The following DAB1 variants were observed in gnomAD, a reference collection of about 807,000 sequenced individuals.
The protein encoded by DAB1 is DAB adaptor protein 1.
A neutral mutation model predicts 64.6 loss-of-function variants in DAB1; 15 were observed. The ratio of observed to expected loss-of-function variants is 0.23; its 90% confidence interval spans 0.16 to 0.36. DAB1 has a LOEUF of 0.36. Ranked by LOEUF, DAB1 falls within the 10% of genes least tolerant of loss-of-function variation. DAB1 has a pLI of 1.00. For missense variants in DAB1, 596 were observed against 706.7 expected, an observed-to-expected ratio of 0.84 and a Z score of 1.78; for synonymous variants, 235 against 251.9, an observed-to-expected ratio of 0.93 and a Z score of 0.64.
chr1:57,545,006 A>G (rs1033971245), intron 7 of DAB1, among the ~76,000 whole-genome samples: 1 of 152,018 alleles, frequency 6.6e-6, no homozygotes, highest in African/African-American at 2.4e-5. Flanking sequence ...CTCCCAAGGT[A>G]CTCTCTTAGA....
intron 2 of DAB1, among the ~76,000 whole-genome samples, chr1:57,281,585 C>T (rs1383395667): frequency 6.6e-6 from 1 of 152,104 alleles, no homozygotes; most frequent in African/African-American, 2.4e-5. Flanking sequence ...CTCTCTGATG[C>T]CATGATAAGC....
intron 6 of DAB1, among the ~76,000 whole-genome samples, chr1:57,794,959 A>C (rs539942288): frequency 6.6e-6 from 1 of 152,206 alleles, no homozygotes; most frequent in Non-Finnish European, 1.5e-5. Context: ...TCCTCATGGG[A>C]AGATGGCACT....
chr1:57,501,343 C>T (rs1644287253), intron 7 of DAB1, among the ~76,000 whole-genome samples: 1 of 152,204 alleles, frequency 6.6e-6, no homozygotes, highest in East Asian at 1.9e-4. Context: ...CAGGTGAATG[C>T]GGCCATCTTG....
chr1:57,779,241 G>GA (rs1354100275), intron 6 of DAB1, among the ~76,000 whole-genome samples: 4 of 152,148 alleles, frequency 2.6e-5, no homozygotes, highest in Non-Finnish European at 4.4e-5. Context: ...AATATAAAGA[G>GA]ACAGCAGGAA....
At chr1:58,423,283 T>A (rs191091493) in intron 3 of DAB1, among the ~76,000 whole-genome samples, 1 of 152,170 alleles carries the variant, frequency 6.6e-6, no homozygotes, top group Non-Finnish European at 1.5e-5. Context: ...CCAGATCTCA[T>A]CATTTCCACA....
At chr1:57,451,597 T>G (rs182057071) in intron 7 of DAB1, among the ~76,000 whole-genome samples, 1 of 152,328 alleles carries the variant, frequency 6.6e-6, no homozygotes, top group South Asian at 2.1e-4. Context: ...ACAGCTTTGA[T>G]GCTGTGTTCT....
intron 1 of DAB1, among the ~76,000 whole-genome samples, chr1:58,535,438 A>C (rs1160749088): frequency 6.6e-6 from 1 of 151,892 alleles, no homozygotes; most frequent in Non-Finnish European, 1.5e-5. Context: ...TCTACTAAAA[A>C]TACAAAAATT....
At chr1:58,316,482 A>G (rs60665381) in intron 4 of DAB1, among the ~76,000 whole-genome samples, 7,031 of 152,236 alleles carry the variant, frequency 0.046, 543 homozygotes, top group African/African-American at 0.16. Flanking sequence ...CACATAGTGA[A>G]TAGACCTCAG....
At chr1:57,857,473 C>T (rs80015008) in intron 1 of DAB1, among the ~76,000 whole-genome samples, 5,552 of 152,246 alleles carry the variant, frequency 0.036, 155 homozygotes, top group East Asian at 0.13. Flanking sequence ...AAAGAGCTTT[C>T]TGTGTGCCAG....
At chr1:57,075,708 T>C (rs1321082328) in intron 4 of DAB1, among the ~76,000 whole-genome samples, 1 of 152,176 alleles carries the variant, frequency 6.6e-6, no homozygotes, top group Non-Finnish European at 1.5e-5. Context: ...TAAACATCAA[T>C]CCTGAGTTTA....
chr1:57,473,596 G>A (rs975931603), intron 7 of DAB1, among the ~76,000 whole-genome samples: 2 of 152,140 alleles, frequency 1.3e-5, no homozygotes, highest in African/African-American at 2.4e-5. Flanking sequence ...TCAATTTCAC[G>A]TTGCCTGACA....
At chr1:57,431,143 C>CACAAAAAAAAAAAAAA (rs749097562) in intron 7 of DAB1, among the ~76,000 whole-genome samples, 25 of 96,108 alleles carry the variant, frequency 2.6e-4, no homozygotes, top group Admixed American at 3.4e-4. Context: ...AGGCCAAAAA[C>CACAAAAAAAAAAAAAA]AAAAAAAAAA....
chr1:58,103,296 A>T (rs1651432197), intron 5 of DAB1, among the ~76,000 whole-genome samples: 1 of 152,206 alleles, frequency 6.6e-6, no homozygotes, highest in Admixed American at 6.5e-5. Flanking sequence ...ACCAGAGAGG[A>T]TCCCAGTGAT....
At chr1:57,117,127 G>C (rs531015072) in intron 4 of DAB1, among the ~76,000 whole-genome samples, 1 of 152,254 alleles carries the variant, frequency 6.6e-6, no homozygotes, top group African/African-American at 2.4e-5. Context: ...ATACAGAATT[G>C]GTGAGAAGAG....
intron 5 of DAB1, among the ~76,000 whole-genome samples, chr1:57,988,448 A>T (rs1298668881): frequency 6.6e-6 from 1 of 152,206 alleles, no homozygotes; most frequent in Admixed American, 6.5e-5. Context: ...TCAAATGACC[A>T]TTTAGGTAAA....
intron 7 of DAB1, among the ~76,000 whole-genome samples, chr1:57,435,925 T>C (rs949297037): frequency 4.1e-5 from 6 of 147,684 alleles, no homozygotes; most frequent in Admixed American, 1.3e-4. Context: ...TCTTTTTTTT[T>C]TTTTTTTTTG....
intron 5 of DAB1, among the ~76,000 whole-genome samples, chr1:58,052,395 T>C (rs947378748): frequency 6.6e-6 from 1 of 152,160 alleles, no homozygotes; most frequent in South Asian, 2.1e-4. Flanking sequence ...TTCTGTTCCA[T>C]TGGTCTATAT....
chr1:57,128,208 A>T (rs1222019066), intron 4 of DAB1, among the ~76,000 whole-genome samples: 1 of 151,718 alleles, frequency 6.6e-6, no homozygotes, highest in Non-Finnish European at 1.5e-5. Context: ...AATTCTTTAG[A>T]GATGAATATT....
At chr1:58,038,477 G>C (rs946163446) in intron 5 of DAB1, among the ~76,000 whole-genome samples, 9 of 152,164 alleles carry the variant, frequency 5.9e-5, no homozygotes, top group African/African-American at 2.2e-4. Flanking sequence ...TTAAAGGAAA[G>C]AGAAAAGGAA....
Sources: allele counts gnomAD v4.1 joint callset (sites outside exome capture counted in the v4.1 genomes callset), GRCh38; gene constraint gnomAD v4.1.1; transcripts MANE v1.5; gene names NCBI Gene and HGNC (gene_info 2026-07-23, HGNC 2026-07-21).